Variants in PDE8B observed in about 807,000 individuals in gnomAD.
PDE8B encodes phosphodiesterase 8B, also known as high affinity cAMP-specific and IBMX-insensitive 3',5'-cyclic phosphodiesterase 8B.
Under a neutral mutation model 101.3 loss-of-function variants are expected in PDE8B, and 26 were observed. That is an observed-to-expected ratio of 0.26 (90% CI 0.19 to 0.36). PDE8B has a LOEUF of 0.36. Ranked by LOEUF, PDE8B falls within the 10% of genes least tolerant of loss-of-function variation. The probability of loss-of-function intolerance (pLI) is 1.00; values close to 1 mark genes in which losing one functional copy is unlikely to be tolerated. For missense variants in PDE8B, 810 were observed against 1,163.1 expected (o/e 0.70, Z 4.42); for synonymous variants, 424 against 429.3 (o/e 0.99, Z 0.15).
At chr5:77,340,079 T>G (rs1443249274) in intron 6 of PDE8B, among the ~76,000 whole-genome samples, 2 of 152,182 alleles carry the variant, frequency 1.3e-5, no homozygotes, top group African/African-American at 4.8e-5. Flanking sequence ...AAAGATCTAT[T>G]TTATCTAAAA....
chr5:77,380,586 T>A (rs1787259536), intron 10 of PDE8B, among the ~76,000 whole-genome samples: 1 of 152,208 alleles, frequency 6.6e-6, no homozygotes, highest in Non-Finnish European at 1.5e-5. Flanking sequence ...TTAATAACAG[T>A]GTTTTCACCA....
intron 10 of PDE8B, among the ~76,000 whole-genome samples, chr5:77,370,038 C>T (rs1209575043): frequency 1.3e-5 from 2 of 152,206 alleles, no homozygotes; most frequent in Non-Finnish European, 2.9e-5. Flanking sequence ...TTTAAATATA[C>T]ATCCCTCTGT....
chr5:77,398,980 T>G (rs1008624505), intron 10 of PDE8B, among the ~76,000 whole-genome samples: 1 of 152,182 alleles, frequency 6.6e-6, no homozygotes, highest in African/African-American at 2.4e-5. Flanking sequence ...ATGAATCCCG[T>G]TCCTCGGAAT....
At chr5:77,283,510 A>G (rs1291467589) in intron 1 of PDE8B, among the ~76,000 whole-genome samples, 1 of 152,122 alleles carries the variant, frequency 6.6e-6, no homozygotes, top group Non-Finnish European at 1.5e-5. Context: ...CTAATTCCTG[A>G]CAACCACTGA....
At chr5:77,231,435 T>G (rs1219823853) in intron 1 of PDE8B, among the ~76,000 whole-genome samples, 1 of 152,252 alleles carries the variant, frequency 6.6e-6, no homozygotes, top group African/African-American at 2.4e-5. Context: ...GCTGTTTTTC[T>G]TTGGTTACAG....
At chr5:77,143,975 C>A in the PDE8B span, 2 of 151,040 alleles carry the variant, frequency 1.3e-5, no homozygotes, top group African/African-American at 4.9e-5. Context: ...TAAGTTCGGT[C>A]CAAGAACAGA....
intron 10 of PDE8B, among the ~76,000 whole-genome samples, chr5:77,379,104 G>T (rs200173250): frequency 1.3e-5 from 2 of 152,198 alleles, no homozygotes; most frequent in East Asian, 3.8e-4. Context: ...CTCTGTAAAG[G>T]CTCTTGCAAA....
chr5:77,337,150 A>G (rs1012912724), intron 5 of PDE8B, 77 bp from the exon 6 acceptor site: 26 of 807,030 alleles, frequency 3.2e-5, no homozygotes, highest in Middle Eastern at 3.4e-4. Flanking sequence ...GGATAGGAAC[A>G]ACTGTTAAGT....
chr5:77,280,003 C>T (rs1017669039), intron 1 of PDE8B, among the ~76,000 whole-genome samples: 2 of 152,210 alleles, frequency 1.3e-5, no homozygotes, highest in Non-Finnish European at 2.9e-5. Context: ...GTGTCTCCCA[C>T]CTGGGCCAGC....
chr5:77,248,073 G>C (rs1199236868), intron 1 of PDE8B, among the ~76,000 whole-genome samples: 1 of 152,246 alleles, frequency 6.6e-6, no homozygotes, highest in Non-Finnish European at 1.5e-5. Flanking sequence ...AGAAAACAAA[G>C]GTAGGTGCAG....
intron 20 of PDE8B, among the ~76,000 whole-genome samples, chr5:77,424,820 TTTTTTG>T (rs1279377637): frequency 1.2e-5 from 1 of 82,330 alleles, no homozygotes; most frequent in Non-Finnish European, 2.9e-5. Context: ...TGTTTTTTTG[TTTTTTG>T]TTTTTTGTTT....
chr5:77,162,050 A>G, the PDE8B span, among the ~76,000 whole-genome samples: 1 of 151,376 alleles, frequency 6.6e-6, no homozygotes, highest in Non-Finnish European at 1.5e-5. Flanking sequence ...AAATAAATAA[A>G]CTCTCCTGGA....
chr5:77,123,351 A>G, the PDE8B span, among the ~76,000 whole-genome samples: 1 of 148,470 alleles, frequency 6.7e-6, no homozygotes. Context: ...CTATAGTTGA[A>G]TTCCTCCCCC....
intron 6 of PDE8B, among the ~76,000 whole-genome samples, chr5:77,342,838 G>A (rs1319134354): frequency 2.0e-5 from 3 of 152,184 alleles, no homozygotes; most frequent in Non-Finnish European, 2.9e-5. Context: ...TGCTGGGTTT[G>A]CCTTTCACCA....
At chr5:77,267,030 C>T (rs1761857911) in intron 1 of PDE8B, among the ~76,000 whole-genome samples, 1 of 152,064 alleles carries the variant, frequency 6.6e-6, no homozygotes, top group Non-Finnish European at 1.5e-5. Context: ...GAATTTGATT[C>T]ATTCTATATC....
At chr5:77,099,889 C>T in the PDE8B span, among the ~76,000 whole-genome samples, 2 of 152,122 alleles carry the variant, frequency 1.3e-5, no homozygotes, top group Non-Finnish European at 2.9e-5. Flanking sequence ...GGATTACAGG[C>T]GTGAACCACA....
the PDE8B span, among the ~76,000 whole-genome samples, chr5:77,192,285 G>A: frequency 6.6e-6 from 1 of 152,222 alleles, no homozygotes; most frequent in Non-Finnish European, 1.5e-5. Context: ...TCTAGATATA[G>A]ACCAGTTCTA....
chr5:77,282,077 T>A (rs1299559696), intron 1 of PDE8B, among the ~76,000 whole-genome samples: 1 of 152,028 alleles, frequency 6.6e-6, no homozygotes, highest in Non-Finnish European at 1.5e-5. Flanking sequence ...CCACATGCAA[T>A]CCTGTTCAGC....
At chr5:77,095,710 A>G in the PDE8B span, among the ~76,000 whole-genome samples, 1 of 152,088 alleles carries the variant, frequency 6.6e-6, no homozygotes, top group African/African-American at 2.4e-5. Context: ...ATCCCTTCTT[A>G]CACTTATCCA....
Sources: allele counts gnomAD v4.1 joint callset (sites outside exome capture counted in the v4.1 genomes callset), GRCh38; gene constraint gnomAD v4.1.1; transcripts MANE v1.5; gene names NCBI Gene and HGNC (gene_info 2026-07-23, HGNC 2026-07-21).